The following PTK2 variants were observed in gnomAD, a reference collection of about 807,000 sequenced individuals.
The protein encoded by PTK2 is focal adhesion kinase 1.
A neutral mutation model predicts 150.1 loss-of-function variants in PTK2; 45 were observed. The observed-to-expected ratio is 0.30, with a 90% CI of 0.24 to 0.38. PTK2 has a LOEUF of 0.38. Among genes scored for constraint, PTK2 ranks in the 10% least tolerant of loss-of-function variants. The pLI, the probability that PTK2 is intolerant of heterozygous loss-of-function variation, is 1.00. For missense variants in PTK2, 919 were observed against 1,307.3 expected, an observed-to-expected ratio of 0.70 and a Z score of 4.58; for synonymous variants, 432 against 449.2, an observed-to-expected ratio of 0.96 and a Z score of 0.48.
chr8:140,847,126 GA>G (rs1321971887), intron 5 of PTK2, among the ~76,000 whole-genome samples: 1 of 152,104 alleles, frequency 6.6e-6, no homozygotes, highest in Non-Finnish European at 1.5e-5. Context: ...GTAAAAACAA[GA>G]AGGGAAATTT....
intron 4 of PTK2, among the ~76,000 whole-genome samples, chr8:140,873,988 A>C (rs1466999166): frequency 2.6e-5 from 4 of 152,232 alleles, no homozygotes; most frequent in African/African-American, 9.6e-5. Context: ...AGATACATTC[A>C]ACTATACTTC....
intron 17 of PTK2, among the ~76,000 whole-genome samples, chr8:140,748,473 G>A (rs1031245228): frequency 6.8e-6 from 1 of 146,502 alleles, no homozygotes; most frequent in African/African-American, 2.6e-5. Context: ...ATCCAGCCTG[G>A]GCGACAGACT....
intron 10 of PTK2, among the ~76,000 whole-genome samples, chr8:140,808,599 T>C (rs770725095): frequency 1.3e-5 from 2 of 152,102 alleles, no homozygotes; most frequent in Non-Finnish European, 2.9e-5. Context: ...TAAGCCAATA[T>C]GAAATTTTTG....
intron 8 of PTK2, among the ~76,000 whole-genome samples, chr8:140,827,427 G>A (rs1179626637): frequency 6.6e-6 from 1 of 151,908 alleles, no homozygotes; most frequent in Non-Finnish European, 1.5e-5. Flanking sequence ...AAGATGGCAG[G>A]AAAAAAAGCA....
At chr8:140,738,327 T>C (rs2100053754) in intron 21 of PTK2, among the ~76,000 whole-genome samples, 2 of 150,864 alleles carry the variant, frequency 1.3e-5, no homozygotes, top group Admixed American at 6.6e-5. Context: ...AAATGGAGAG[T>C]AGAGTGGAGG....
chr8:140,996,355 T>G (rs911422913), intron 1 of PTK2, among the ~76,000 whole-genome samples: 1 of 152,176 alleles, frequency 6.6e-6, no homozygotes. Flanking sequence ...CAAGTGCTGG[T>G]GGAGAAGCTG....
intron 5 of PTK2, among the ~76,000 whole-genome samples, chr8:140,848,618 AG>A (rs1368430869): frequency 1.8e-4 from 27 of 152,180 alleles, no homozygotes; most frequent in Non-Finnish European, 3.8e-4. Context: ...CATTCAGTTA[AG>A]TAAAAAGCTT....
chr8:140,668,518 A>G (rs2093733624), intron 29 of PTK2, 94 bp from the exon 34 acceptor site: 5 of 1,370,888 alleles, frequency 3.6e-6, no homozygotes, highest in South Asian at 1.4e-5. Context: ...AAGAGATCAA[A>G]GCAGATTGCA....
In PTK2 at chr8:140,950,470, T is replaced by C. The variant is rs145218424; in HGVS notation, c.-121-24721A>G. ...CAGTGCCTGGAGCTGCCCACCCCGCTACAGCAGCTGGCTGTGCAAGGTGGC... is the reference window on the plus strand; with the variant it reads ...CAGTGCCTGGAGCTGCCCACCCCGCCACAGCAGCTGGCTGTGCAAGGTGGC... On this transcript the variant is annotated intron_variant, in intron 1 of 31. Coordinates refer to ENST00000522684, the Ensembl canonical transcript of PTK2. 5.9e-3 allele frequency among the ~76,000 whole-genome samples: 903 copies of C among 152,356 alleles called. 14 individuals carry two copies. Among genetic ancestry groups the C allele is most frequent in the African/African-American group, 0.02 (827 of 41,598 alleles).
chr8:140,805,605 C>CA (rs375563865), intron 10 of PTK2, among the ~76,000 whole-genome samples: 3,659 of 144,406 alleles, frequency 0.025, 155 homozygotes, highest in African/African-American at 0.088. Context: ...ATTCCTGAGC[C>CA]AAAAAAAAAA....
At chr8:140,910,543 C>CG (rs1333222696) in intron 2 of PTK2, among the ~76,000 whole-genome samples, 1 of 151,908 alleles carries the variant, frequency 6.6e-6, no homozygotes, top group Non-Finnish European at 1.5e-5. Flanking sequence ...GGGACTCCAA[C>CG]CCTTGAAAGT....
At chr8:140,947,956 G>GCAAATAAATAT (rs2100178246) in intron 1 of PTK2, among the ~76,000 whole-genome samples, 4 of 152,106 alleles carry the variant, frequency 2.6e-5, no homozygotes, top group Admixed American at 2.6e-4. Context: ...TTCTGGTATA[G>GCAAATAAATAT]GTGTTAACAA....
rs200045251 is a variant in PTK2, at chr8:140,868,314, G to GT, written c.363-3916dup. ...GATGCCCTCATAAAAAAAATGTGGTGTGAACAGTCTGTTCTTACAATAGAC... is the reference window on the plus strand; with the variant it reads ...GATGCCCTCATAAAAAAAATGTGGTGTTGAACAGTCTGTTCTTACAATAGAC... On this transcript the variant is annotated intron_variant, in intron 4 of 31. Coordinates refer to ENST00000522684, the Ensembl canonical transcript of PTK2. 6.4e-3 allele frequency among the ~76,000 whole-genome samples: 974 copies of GT among 152,260 alleles called. 14 individuals are homozygous for GT. Among genetic ancestry groups the GT allele is most frequent in the African/African-American group, 0.02 (829 of 41,528 alleles).
rs576831232 is a variant in PTK2, at chr8:140,990,809, C to T, written c.-122+10316G>A. ...GTCATTTTAGTCTTTCTAATTGCCT[C>T]CCTTCAGATATTTGATCTTTCCTGA... is the stretch of plus-strand genomic sequence containing the variant. On this transcript the variant is annotated intron_variant, in intron 1 of 31. Coordinates refer to ENST00000522684, the Ensembl canonical transcript of PTK2. 4.6e-5 allele frequency among the ~76,000 whole-genome samples: 7 copies of T among 152,256 alleles called. No individual in the cohort carries two copies. The East Asian group carries it at 1.3e-3, about 29-fold the overall frequency.
chr8:140,668,192 A>C, intron 30 of PTK2, 77 bp downstream of exon 34: 1 of 1,553,170 alleles, frequency 6.4e-7, no homozygotes, highest in Non-Finnish European at 8.8e-7. Flanking sequence ...GGGGACCTAG[A>C]GACATCTATC....
chr8:140,962,462 C>A (rs2100183654), intron 1 of PTK2, among the ~76,000 whole-genome samples: 1 of 152,166 alleles, frequency 6.6e-6, no homozygotes, highest in Non-Finnish European at 1.5e-5. Flanking sequence ...CTACTACAAA[C>A]ACACATACTC....
At chr8:140,855,976 A>G (rs1448318452) in intron 5 of PTK2, among the ~76,000 whole-genome samples, 1 of 152,220 alleles carries the variant, frequency 6.6e-6, no homozygotes, top group African/African-American at 2.4e-5. Context: ...AATTGGGAAG[A>G]AAAAGCGTAC....
intron 4 of PTK2, among the ~76,000 whole-genome samples, chr8:140,865,714 T>C (rs927727660): frequency 1.3e-5 from 2 of 152,246 alleles, no homozygotes; most frequent in Admixed American, 6.5e-5. Flanking sequence ...TGGGTTATTA[T>C]GTAAGTATAA....
intron 1 of PTK2, among the ~76,000 whole-genome samples, chr8:140,944,867 C>T (rs1450438762): frequency 6.6e-6 from 1 of 152,212 alleles, no homozygotes; most frequent in Non-Finnish European, 1.5e-5. Context: ...TTCAGCATTT[C>T]AAACTGAGCA....
Sources: allele counts gnomAD v4.1 joint callset (sites outside exome capture counted in the v4.1 genomes callset), GRCh38; gene constraint gnomAD v4.1.1; transcripts MANE v1.5; gene names NCBI Gene and HGNC (gene_info 2026-07-23, HGNC 2026-07-21).